Variants in DOCK4 observed in about 807,000 individuals in gnomAD.
DOCK4 encodes dedicator of cytokinesis 4.
DOCK4 carries 97 observed loss-of-function variants against 268.1 expected under a neutral mutation model. The ratio of observed to expected loss-of-function variants is 0.36; its 90% CI spans 0.31 to 0.43. The LOEUF is 0.43. Ranked by LOEUF, DOCK4 falls within the 20% of genes least tolerant of loss-of-function variation. DOCK4 has a pLI of 1.00. For synonymous variants in DOCK4, 954 were observed against 887.2 expected (o/e 1.08, Z -1.34); for missense variants, 2,145 against 2,455.7 (o/e 0.87, Z 2.67).
intron 4 of DOCK4, among the ~76,000 whole-genome samples, chr7:111,995,538 TTTTC>T (rs890919402): frequency 4.6e-5 from 7 of 151,918 alleles, no homozygotes; most frequent in African/African-American, 1.7e-4. Context: ...ATTGAGACTA[TTTTC>T]TTTATTTCAG....
intron 39 of DOCK4, among the ~76,000 whole-genome samples, chr7:111,763,952 A>C (rs1180322942): frequency 6.6e-6 from 1 of 152,098 alleles, no homozygotes; most frequent in African/African-American, 2.4e-5. Flanking sequence ...CAGCCTCCCA[A>C]GTTTTTGGGA....
intron 42 of DOCK4, among the ~76,000 whole-genome samples, chr7:111,748,716 G>A (rs1436689349): frequency 6.6e-6 from 1 of 152,124 alleles, no homozygotes; most frequent in Non-Finnish European, 1.5e-5. Flanking sequence ...ACATGTGTGT[G>A]TGTGTGTATA....
In DOCK4 at chr7:112,083,207, A is replaced by C. The variant is rs1417438659; in HGVS notation, c.38-79076T>G. Among the ~76,000 whole-genome samples, 4 of 152,110 alleles carry C rather than the reference A, an allele frequency of 2.6e-5. No homozygotes were observed. In the East Asian group the frequency reaches 7.7e-4, roughly 29 times the overall value. ...TAATTATGAATTAGGAATCAGTAGA[A>C]TTTTTTATTAATATGATCTTAACAT... On this transcript the variant is annotated intron_variant, in intron 1 of 52. Coordinates refer to ENST00000428084, the MANE Select transcript of DOCK4 (RefSeq NM_001363540.2).
intron 1 of DOCK4, among the ~76,000 whole-genome samples, chr7:112,066,957 C>T: frequency 6.7e-6 from 1 of 149,294 alleles, no homozygotes; most frequent in Non-Finnish European, 1.5e-5. Flanking sequence ...CCAGCCTGGG[C>T]AATATGGCAA....
chr7:112,200,725 T>TAAAATAAAAAA (rs1554478848), intron 1 of DOCK4, among the ~76,000 whole-genome samples: 1 of 102,766 alleles, frequency 9.7e-6, no homozygotes, highest in Non-Finnish European at 1.9e-5. Flanking sequence ...GCCTCTAAAA[T>TAAAATAAAAAA]AAAAAAAAAA....
At chr7:111,820,046 T>C (rs1315847751) in intron 27 of DOCK4, 1 of 152,226 alleles carries the variant, frequency 6.6e-6, no homozygotes, top group African/African-American at 2.4e-5. Context: ...TCTACCAATA[T>C]TATATGGGTT....
intron 1 of DOCK4, among the ~76,000 whole-genome samples, chr7:112,093,924 T>C (rs1809871980): frequency 6.6e-6 from 1 of 151,296 alleles, no homozygotes; most frequent in Non-Finnish European, 1.5e-5. Flanking sequence ...CTCAAATGGT[T>C]ATTTTTGAAA....
intron 1 of DOCK4, among the ~76,000 whole-genome samples, chr7:112,004,400 T>C (rs972038857): frequency 1.3e-5 from 2 of 152,212 alleles, no homozygotes; most frequent in African/African-American, 4.8e-5. Flanking sequence ...CAATAATAGA[T>C]ATAAACAAAG....
At chr7:111,809,725 C>A (rs2188797) in intron 28 of DOCK4, among the ~76,000 whole-genome samples, 67 of 152,156 alleles carry the variant, frequency 4.4e-4, no homozygotes, top group African/African-American at 1.5e-3. Context: ...AAGACAGATG[C>A]GTGGTTTCTC....
chr7:111,857,490 C>T (rs904163019), intron 23 of DOCK4, among the ~76,000 whole-genome samples: 3 of 152,160 alleles, frequency 2.0e-5, no homozygotes, highest in African/African-American at 7.2e-5. Flanking sequence ...TGATCAGTGC[C>T]TTTAGGTCTT....
intron 1 of DOCK4, among the ~76,000 whole-genome samples, chr7:112,152,139 T>G (rs1197872056): frequency 1.3e-5 from 2 of 152,188 alleles, no homozygotes; most frequent in Non-Finnish European, 2.9e-5. Context: ...TAAAGGCACA[T>G]GCTCAACTTT....
intron 26 of DOCK4, among the ~76,000 whole-genome samples, chr7:111,832,009 G>A (rs543726674): frequency 1.2e-3 from 178 of 152,274 alleles, no homozygotes; most frequent in Non-Finnish European, 2.0e-3. Flanking sequence ...ATACAGCAGT[G>A]AGCCAGACAA....
chr7:112,087,064 T>C (rs1809158407), intron 1 of DOCK4, among the ~76,000 whole-genome samples: 1 of 151,676 alleles, frequency 6.6e-6, no homozygotes. Flanking sequence ...TATTTTGTGG[T>C]GCAGACAGGG....
chr7:111,756,368 G>T (rs552233232), intron 41 of DOCK4, among the ~76,000 whole-genome samples: 1 of 151,604 alleles, frequency 6.6e-6, no homozygotes, highest in Non-Finnish European at 1.5e-5. Context: ...ATTTTTTTTT[G>T]AAGACACTAG....
chr7:112,152,430 C>T (rs1816178318), intron 1 of DOCK4, among the ~76,000 whole-genome samples: 1 of 152,160 alleles, frequency 6.6e-6, no homozygotes, highest in African/African-American at 2.4e-5. Flanking sequence ...AGATACAGCT[C>T]TGTGGTGTGA....
chr7:112,011,924 T>C (rs775187836), intron 1 of DOCK4, among the ~76,000 whole-genome samples: 1 of 150,350 alleles, frequency 6.7e-6, no homozygotes, highest in Non-Finnish European at 1.5e-5. Flanking sequence ...TCCTAGCACT[T>C]AGGAAAGGGT....
chr7:111,752,593 T>C (rs566233319), intron 42 of DOCK4, among the ~76,000 whole-genome samples: 1 of 145,112 alleles, frequency 6.9e-6, no homozygotes, highest in East Asian at 2.0e-4. Flanking sequence ...TTTTTTTTTT[T>C]TTTTTTTTTT....
chr7:112,148,128 G>C (rs1815694266), intron 1 of DOCK4, among the ~76,000 whole-genome samples: 1 of 151,864 alleles, frequency 6.6e-6, no homozygotes. Flanking sequence ...CATTGTCCTG[G>C]AAAGACAGAA....
chr7:111,947,534 A>C (rs940074068), intron 8 of DOCK4, among the ~76,000 whole-genome samples: 1 of 152,206 alleles, frequency 6.6e-6, no homozygotes, highest in Non-Finnish European at 1.5e-5. Context: ...TGCTGTAAGT[A>C]TCCTCAATTG....
Sources: allele counts gnomAD v4.1 joint callset (sites outside exome capture counted in the v4.1 genomes callset), GRCh38; gene constraint gnomAD v4.1.1; transcripts MANE v1.5; gene names NCBI Gene and HGNC (gene_info 2026-07-23, HGNC 2026-07-21).